ANTXR1: variants seen among roughly 807,000 people sequenced by gnomAD.
ANTXR1 encodes the protein anthrax toxin receptor 1.
A neutral mutation model predicts 78.1 loss-of-function variants in ANTXR1; 19 were observed. That is an observed-to-expected ratio of 0.24 (90% CI 0.17 to 0.36). The LOEUF (loss-of-function observed/expected upper bound fraction) is 0.36. Among genes scored for constraint, ANTXR1 ranks in the 10% least tolerant of loss-of-function variants. The pLI, the probability that ANTXR1 is intolerant of heterozygous loss-of-function variation, is 1.00. For missense variants in ANTXR1, 518 were observed against 718.6 expected, an observed-to-expected ratio of 0.72 and a Z score of 3.19; for synonymous variants, 273 against 260.5, an observed-to-expected ratio of 1.05 and a Z score of -0.46.
At chr2:69,135,136 A>G (rs537638851) in intron 12 of ANTXR1, 1 of 346,418 alleles carries the variant, frequency 2.9e-6, no homozygotes, top group South Asian at 2.3e-5. Context: ...CAACCCTTGT[A>G]ACCCTTATAT....
intron 4 of ANTXR1, 86 bp downstream of exon 4, chr2:69,070,814 A>G: frequency 7.9e-7 from 1 of 1,259,922 alleles, no homozygotes; most frequent in Non-Finnish European, 1.2e-6. Context: ...AGGCACTTAT[A>G]TTAAGAGGGC....
chr2:69,170,290 G>T lies in ANTXR1; in HGVS notation c.1089+1G>T. 3 of 1,614,058 alleles carry T rather than the reference G, an allele frequency of 1.9e-6. No individual in the cohort carries two copies. Among genetic ancestry groups the T allele is most frequent in the Non-Finnish European group, 2.5e-6 (3 of 1,180,024 alleles). ...TCCACCCCCTGCCGAGGAGAGTGAGGTAAGTGACCACAGCAGGATGGCAGT... is the reference window on the plus strand; with the variant it reads ...TCCACCCCCTGCCGAGGAGAGTGAGTTAAGTGACCACAGCAGGATGGCAGT... On this transcript the variant is annotated splice_donor_variant, in intron 14 of 17. Transcript: ENST00000303714. LOFTEE classifies it high-confidence loss of function.
chr2:69,023,405 ATGG>A (rs1481480244), intron 1 of ANTXR1, among the ~76,000 whole-genome samples: 2 of 151,780 alleles, frequency 1.3e-5, no homozygotes, highest in African/African-American at 2.4e-5. Flanking sequence ...GATAATGGTG[ATGG>A]TGGTGGTGGT....
chr2:69,069,148 C>T (rs1450267928), intron 3 of ANTXR1, among the ~76,000 whole-genome samples: 3 of 152,188 alleles, frequency 2.0e-5, no homozygotes, highest in South Asian at 4.1e-4. Flanking sequence ...TGGCAAGCCA[C>T]CCTCACCCAC....
intron 12 of ANTXR1, among the ~76,000 whole-genome samples, chr2:69,136,021 A>G (rs1672900280): frequency 1.3e-5 from 2 of 152,164 alleles, no homozygotes; most frequent in East Asian, 1.9e-4. Flanking sequence ...TTCTTTCCAC[A>G]TTTTAACATC....
chr2:69,213,857 C>T (rs1675111854), intron 17 of ANTXR1, among the ~76,000 whole-genome samples: 1 of 152,262 alleles, frequency 6.6e-6, no homozygotes, highest in Non-Finnish European at 1.5e-5. Flanking sequence ...TTCCCTGTGA[C>T]TTTTACAAGT....
chr2:69,050,260 A>G (rs1413764831), intron 3 of ANTXR1, among the ~76,000 whole-genome samples: 1 of 152,100 alleles, frequency 6.6e-6, no homozygotes, highest in Non-Finnish European at 1.5e-5. Flanking sequence ...AATCATGCCA[A>G]TACACTCCAG....
At chr2:69,205,157 C>T (rs1380863011) in intron 17 of ANTXR1, among the ~76,000 whole-genome samples, 2 of 152,044 alleles carry the variant, frequency 1.3e-5, no homozygotes, top group Non-Finnish European at 2.9e-5. Flanking sequence ...GAGCATAGAG[C>T]CAGAAGATTT....
intron 1 of ANTXR1, among the ~76,000 whole-genome samples, chr2:69,031,052 C>CA (rs1310461384): frequency 2.0e-5 from 3 of 152,170 alleles, no homozygotes; most frequent in Non-Finnish European, 2.9e-5. Context: ...TTTTGTGCTA[C>CA]AAAAAGCAGA....
chr2:69,157,390 C>T (rs1291029474), intron 13 of ANTXR1, among the ~76,000 whole-genome samples: 1 of 152,152 alleles, frequency 6.6e-6, no homozygotes, highest in Non-Finnish European at 1.5e-5. Context: ...CCATCACTGG[C>T]CTTGGCTCCA....
At chr2:69,021,789 A>T (rs904564266) in intron 1 of ANTXR1, among the ~76,000 whole-genome samples, 1 of 152,234 alleles carries the variant, frequency 6.6e-6, no homozygotes, top group South Asian at 2.1e-4. Flanking sequence ...AGCAAGAAAG[A>T]AGTAGCCATT....
At chr2:69,054,311 A>G (rs1398817325) in intron 3 of ANTXR1, among the ~76,000 whole-genome samples, 1 of 152,170 alleles carries the variant, frequency 6.6e-6, no homozygotes, top group East Asian at 1.9e-4. Context: ...TGATTTTACT[A>G]TTACGTACAG....
At chr2:69,057,006 T>C (rs1670087855) in intron 3 of ANTXR1, among the ~76,000 whole-genome samples, 2 of 152,176 alleles carry the variant, frequency 1.3e-5, no homozygotes, top group African/African-American at 4.8e-5. Flanking sequence ...ATGGTCATAT[T>C]GTGTGTATTT....
intron 3 of ANTXR1, among the ~76,000 whole-genome samples, chr2:69,049,640 A>G (rs931786360): frequency 2.5e-4 from 38 of 152,286 alleles, no homozygotes; most frequent in African/African-American, 8.7e-4. Flanking sequence ...GAAACATTTT[A>G]TTAGTTCTAA....
chr2:69,158,491 A>G (rs1001218404), intron 13 of ANTXR1, among the ~76,000 whole-genome samples: 6 of 152,262 alleles, frequency 3.9e-5, no homozygotes, highest in Middle Eastern at 6.8e-3. Context: ...TGCTCATTCT[A>G]TCACAAGTAT....
At chr2:69,117,205 A>G (rs1206502425) in intron 10 of ANTXR1, among the ~76,000 whole-genome samples, 1 of 152,248 alleles carries the variant, frequency 6.6e-6, no homozygotes, top group Non-Finnish European at 1.5e-5. Context: ...AGCTGTCAAT[A>G]TGAAGAGCCT....
intron 17 of ANTXR1, among the ~76,000 whole-genome samples, chr2:69,206,007 G>A (rs1477382984): frequency 6.6e-6 from 1 of 152,114 alleles, no homozygotes; most frequent in African/African-American, 2.4e-5. Context: ...TTTAATATTA[G>A]TGTTTTTCCA....
Position 69,245,756 on chromosome 2 carries a change from G to T in ANTXR1, c.*271G>T. On this transcript the variant is annotated 3_prime_UTR_variant, in exon 18 of 18. Coordinates refer to ENST00000303714, the MANE Select transcript of ANTXR1 (RefSeq NM_032208.3). ...GGTTCCAGAGACAGTGAAACTGCAA[G>T]ATGCTCTCAACAGGATTATGTCTCA... 2 of 444,612 alleles carry T rather than the reference G, an allele frequency of 4.5e-6. No homozygotes were observed. The highest frequency in any genetic ancestry group is 4.4e-5 in the East Asian group (1 of 22,782). 27.5% of individuals were successfully genotyped at this position (444,612 alleles called of 1,614,324 possible).
intron 3 of ANTXR1, among the ~76,000 whole-genome samples, chr2:69,051,065 C>G (rs534318593): frequency 1.2e-3 from 189 of 152,256 alleles, no homozygotes; most frequent in African/African-American, 4.3e-3. Context: ...GCAGGCTGAT[C>G]ACTTGAGGCC....
Sources: allele counts gnomAD v4.1 joint callset (sites outside exome capture counted in the v4.1 genomes callset), GRCh38; gene constraint gnomAD v4.1.1; transcripts MANE v1.5; gene names NCBI Gene and HGNC (gene_info 2026-07-23, HGNC 2026-07-21).